Variants in CACNB2 observed in about 807,000 individuals in gnomAD.
CACNB2 encodes the protein calcium voltage-gated channel auxiliary subunit beta 2.
Under a neutral mutation model 73.3 loss-of-function variants are expected in CACNB2, and 42 were observed. That is an observed-to-expected ratio of 0.57 (90% CI 0.45 to 0.74). The LOEUF is 0.74. Among genes scored for constraint, CACNB2 ranks in the 30% least tolerant of loss-of-function variants. The pLI, the probability that CACNB2 is intolerant of heterozygous loss-of-function variation, is 0.00. For missense variants in CACNB2, 940 were observed against 853.0 expected, an observed-to-expected ratio of 1.10 and a Z score of -1.27; for synonymous variants, 348 against 310.3, an observed-to-expected ratio of 1.12 and a Z score of -1.28.
At chr10:18,389,452 T>A (rs1373152977) in intron 2 of CACNB2, among the ~76,000 whole-genome samples, 3 of 152,242 alleles carry the variant, frequency 2.0e-5, no homozygotes, top group African/African-American at 7.2e-5. Context: ...GTTATTTGTT[T>A]TACATACGTG....
intron 3 of CACNB2, among the ~76,000 whole-genome samples, chr10:18,486,097 G>A (rs115301613): frequency 4.4e-4 from 67 of 152,124 alleles, no homozygotes; most frequent in African/African-American, 1.6e-3. Context: ...ATTCACCTTT[G>A]TATTAGGAAA....
chr10:18,407,107 G>GTGTTTTTTTT (rs1293331753), intron 3 of CACNB2, among the ~76,000 whole-genome samples: 1 of 49,560 alleles, frequency 2.0e-5, no homozygotes, highest in Non-Finnish European at 4.1e-5. Context: ...CTGCTGTTCT[G>GTGTTTTTTTT]TCTTTTTTTT....
At chr10:18,167,380 G>C (rs181716249) in intron 2 of CACNB2, among the ~76,000 whole-genome samples, 1 of 152,086 alleles carries the variant, frequency 6.6e-6, no homozygotes, top group Non-Finnish European at 1.5e-5. Context: ...GATGAGTTCA[G>C]TAGAAACCCA....
chr10:18,259,779 T>G (rs1413406297), intron 2 of CACNB2, among the ~76,000 whole-genome samples: 1 of 149,878 alleles, frequency 6.7e-6, no homozygotes, highest in Non-Finnish European at 1.5e-5. Context: ...GGCATGCACC[T>G]ACAATTCTAG....
chr10:18,501,023 C>T, intron 5 of CACNB2, 75 bp downstream of exon 5: 1 of 1,363,188 alleles, frequency 7.3e-7, no homozygotes, highest in Non-Finnish European at 1.0e-6. Context: ...CTGCTGTATT[C>T]TGTATCCTTT....
intron 2 of CACNB2, among the ~76,000 whole-genome samples, chr10:18,255,382 T>C (rs112079581): frequency 9.2e-5 from 14 of 152,354 alleles, no homozygotes; most frequent in African/African-American, 3.4e-4. Flanking sequence ...AGACACCTTT[T>C]CTGACCCTTC....
intron 2 of CACNB2, among the ~76,000 whole-genome samples, chr10:18,200,987 G>C (rs1173223273): frequency 1.3e-5 from 2 of 152,080 alleles, no homozygotes; most frequent in South Asian, 2.1e-4. Flanking sequence ...TAAGAATTTG[G>C]TTTCAATAGT....
intron 3 of CACNB2, among the ~76,000 whole-genome samples, chr10:18,403,615 A>G (rs1320264150): frequency 3.3e-5 from 5 of 152,196 alleles, no homozygotes; most frequent in African/African-American, 1.2e-4. Context: ...TGGCTGTGTC[A>G]TGAGTTAGAT....
intron 3 of CACNB2, among the ~76,000 whole-genome samples, chr10:18,467,190 A>G (rs1158512361): frequency 6.6e-6 from 1 of 152,218 alleles, no homozygotes; most frequent in Non-Finnish European, 1.5e-5. Context: ...GAAACAGAAA[A>G]ACATTGTCAT....
In CACNB2 at chr10:18,307,983, C is replaced by CTTTTTTTTTTTTTTTTTTTTTTTTTTTTT. The variant is rs869311555; in HGVS notation, c.214-93914_214-93913insTTTTTTTTTTTTTTTTTTTTTTTTTTTTT. Reference sequence around the variant, plus strand: ...TTAAGTCTAAAATAATATATGCCAACTTTTTTTTTTTTTTTTTTTTTTTTT... The same window carrying CTTTTTTTTTTTTTTTTTTTTTTTTTTTTT: ...TTAAGTCTAAAATAATATATGCCAACTTTTTTTTTTTTTTTTTTTTTTTTTTTTTTTTTTTTTTTTTTTTTTTTTTTTTT... On this transcript the variant is annotated intron_variant, in intron 2 of 13. Coordinates refer to ENST00000324631, the MANE Select transcript of CACNB2 (RefSeq NM_201596.3). Among the ~76,000 whole-genome samples, 30 of 70,244 alleles carry CTTTTTTTTTTTTTTTTTTTTTTTTTTTTT rather than the reference C, an allele frequency of 4.3e-4. 6 individuals carry two copies. Among genetic ancestry groups the CTTTTTTTTTTTTTTTTTTTTTTTTTTTTT allele is most frequent in the Non-Finnish European group, 4.9e-4 (18 of 36,702 alleles). The allele number at this position is 70,244 out of a possible 152,430, so 46.1% of individuals were successfully genotyped here.
At chr10:18,379,912 C>G (rs773840761) in intron 2 of CACNB2, among the ~76,000 whole-genome samples, 2 of 152,162 alleles carry the variant, frequency 1.3e-5, no homozygotes, top group East Asian at 1.9e-4. Flanking sequence ...GTCTCAGACT[C>G]CTGGGCTCAA....
chr10:18,408,849 G>T (rs2132605393), intron 3 of CACNB2, among the ~76,000 whole-genome samples: 1 of 152,040 alleles, frequency 6.6e-6, no homozygotes, highest in South Asian at 2.1e-4. Context: ...TTTTCTTCAG[G>T]TTTGTTTATT....
intron 12 of CACNB2, 49 bp downstream of exon 12, chr10:18,536,245 T>TTCC: frequency 5.4e-6 from 2 of 372,504 alleles, no homozygotes; most frequent in East Asian, 8.6e-5. Flanking sequence ...GATCAGACCT[T>TTCC]TTTTTTTTTT....
At chr10:18,243,020 C>A (rs369973295) in intron 2 of CACNB2, among the ~76,000 whole-genome samples, 20 of 113,050 alleles carry the variant, frequency 1.8e-4, no homozygotes, top group East Asian at 4.6e-4. Context: ...AAAAAAAAAA[C>A]AAAAAAAAGA....
intron 2 of CACNB2, among the ~76,000 whole-genome samples, chr10:18,232,874 G>A (rs185817356): frequency 9.2e-5 from 14 of 152,222 alleles, no homozygotes; most frequent in Admixed American, 7.2e-4. Flanking sequence ...GATGGCTTGA[G>A]CCATCTTTCA....
At chr10:18,461,978 G>A (rs187155749) in intron 3 of CACNB2, among the ~76,000 whole-genome samples, 172 of 151,976 alleles carry the variant, frequency 1.1e-3, no homozygotes, top group African/African-American at 3.7e-3. Context: ...TTCCATGTTG[G>A]TTGTTCACTT....
intron 2 of CACNB2, among the ~76,000 whole-genome samples, chr10:18,374,146 C>G (rs759174595): frequency 6.6e-6 from 1 of 152,092 alleles, no homozygotes; most frequent in Non-Finnish European, 1.5e-5. Context: ...GGTGGAAAAG[C>G]CTGCAGAGAT....
At chr10:18,482,024 G>A (rs558049326) in intron 3 of CACNB2, among the ~76,000 whole-genome samples, 16 of 152,138 alleles carry the variant, frequency 1.1e-4, no homozygotes, top group African/African-American at 3.9e-4. Context: ...TGAGTAGCTG[G>A]GATTACAGGC....
At chr10:18,414,025 T>G (rs1214789869) in intron 3 of CACNB2, among the ~76,000 whole-genome samples, 1 of 152,238 alleles carries the variant, frequency 6.6e-6, no homozygotes, top group Non-Finnish European at 1.5e-5. Flanking sequence ...CACTATCAGC[T>G]TAGTTGTTTG....
Sources: allele counts gnomAD v4.1 joint callset (sites outside exome capture counted in the v4.1 genomes callset), GRCh38; gene constraint gnomAD v4.1.1; transcripts MANE v1.5; gene names NCBI Gene and HGNC (gene_info 2026-07-23, HGNC 2026-07-21).